The following ANTXR1 variants were observed in gnomAD, a reference collection of about 807,000 sequenced individuals.
ANTXR1 encodes anthrax toxin receptor 1.
Under a neutral mutation model 78.1 loss-of-function variants are expected in ANTXR1, and 19 were observed. The observed-to-expected ratio is 0.24, with a 90% CI of 0.17 to 0.36. The LOEUF is 0.36. Ranked by LOEUF, ANTXR1 falls within the 10% of genes least tolerant of loss-of-function variation. ANTXR1 has a pLI of 1.00. For synonymous variants in ANTXR1, 273 were observed against 260.5 expected (o/e 1.05, Z -0.46); for missense variants, 518 against 718.6 (o/e 0.72, Z 3.19).
At chr2:69,103,422 A>T (rs1220056479) in intron 10 of ANTXR1, 1 of 197,756 alleles carries the variant, frequency 5.1e-6, no homozygotes, top group Non-Finnish European at 1.0e-5. Context: ...GAATAAACCG[A>T]AAACCAAACC....
At chr2:69,177,513 C>T (rs1674155832) in intron 14 of ANTXR1, among the ~76,000 whole-genome samples, 1 of 152,226 alleles carries the variant, frequency 6.6e-6, no homozygotes, top group South Asian at 2.1e-4. Context: ...GAATGTGCTG[C>T]CATTTGTGTT....
intron 14 of ANTXR1, chr2:69,172,566 T>A (rs1674018639): frequency 7.4e-7 from 1 of 1,358,064 alleles, no homozygotes; most frequent in South Asian, 2.0e-5. Context: ...AAACACTCTC[T>A]GCCGTATATA....
intron 13 of ANTXR1, among the ~76,000 whole-genome samples, chr2:69,168,734 C>T (rs1463286885): frequency 6.6e-6 from 1 of 152,164 alleles, no homozygotes; most frequent in African/African-American, 2.4e-5. Flanking sequence ...TGGACAGGAG[C>T]GATCCTCCCC....
rs1004353608 is a variant in ANTXR1, at chr2:69,175,902, G to A, written c.1089+5613G>A. On this transcript the variant is annotated intron_variant, in intron 14 of 17. Coordinates refer to ENST00000303714, the MANE Select transcript of ANTXR1 (RefSeq NM_032208.3). ...AGAAATGTTTAGATAGGAAAACTGA[G>A]CTATGGAAAATTATACAGGGCCAGA... Among the ~76,000 whole-genome samples the A allele has an allele frequency of 1.6e-4, 25 of 152,078 alleles. 1 individual carries two copies. The highest frequency in any genetic ancestry group is 4.6e-4 in the African/African-American group (19 of 41,408).
intron 17 of ANTXR1, among the ~76,000 whole-genome samples, chr2:69,206,877 A>G (rs183256404): frequency 1.5e-4 from 23 of 152,326 alleles, no homozygotes; most frequent in African/African-American, 5.3e-4. Flanking sequence ...TCAAAATAGA[A>G]TCTCTTAGCA....
At chr2:69,164,064 G>C (rs768976928) in intron 13 of ANTXR1, among the ~76,000 whole-genome samples, 2 of 152,168 alleles carry the variant, frequency 1.3e-5, no homozygotes, top group African/African-American at 4.8e-5. Flanking sequence ...CAGACTGTGC[G>C]TGTAGTTTTC....
chr2:69,122,969 T>G (rs1271499430), intron 10 of ANTXR1, 48 bp from the exon 11 acceptor site: 1 of 1,590,142 alleles, frequency 6.3e-7, no homozygotes. Flanking sequence ...GAATTTGAAA[T>G]TATAAACTCA....
At chr2:69,119,019 C>T (rs115002938) in intron 10 of ANTXR1, among the ~76,000 whole-genome samples, 1,575 of 152,106 alleles carry the variant, frequency 0.01, 25 homozygotes, top group African/African-American at 0.036. Context: ...CTTTGCAGGC[C>T]TCCCAGTGAG....
intron 1 of ANTXR1, among the ~76,000 whole-genome samples, chr2:69,038,526 G>C: frequency 6.6e-6 from 1 of 152,236 alleles, no homozygotes; most frequent in East Asian, 1.9e-4. Context: ...AAGAACAAAG[G>C]ATAATATAAT....
chr2:69,065,558 T>C lies in ANTXR1; in HGVS notation c.297-5089T>C, dbSNP rs556807562. Among the ~76,000 whole-genome samples the C allele has an allele frequency of 9.2e-4, 140 of 152,242 alleles. 1 individual carries two copies. Among genetic ancestry groups the C allele is most frequent in the African/African-American group, 3.3e-3 (137 of 41,528 alleles). On this transcript the variant is annotated intron_variant, in intron 3 of 17. Transcript: ENST00000303714. The stretch of plus-strand genomic sequence containing the variant: ...TAAAGGAATATTATAAACAATTTTA[T>C]AGAAATATATTCAACAATTATAAGG...
chr2:69,225,095 C>A (rs555158443), intron 17 of ANTXR1, among the ~76,000 whole-genome samples: 18 of 152,284 alleles, frequency 1.2e-4, no homozygotes, highest in African/African-American at 4.3e-4. Flanking sequence ...TGCCTCCCCC[C>A]ATTCCCTCAA....
intron 1 of ANTXR1, among the ~76,000 whole-genome samples, chr2:69,038,511 C>G (rs564915137): frequency 2.0e-5 from 3 of 152,032 alleles, no homozygotes; most frequent in Admixed American, 2.0e-4. Flanking sequence ...CTGTGTTGTT[C>G]AAAAAAGAAC....
intron 17 of ANTXR1, among the ~76,000 whole-genome samples, chr2:69,196,646 G>A (rs1406921417): frequency 6.6e-6 from 1 of 152,184 alleles, no homozygotes; most frequent in African/African-American, 2.4e-5. Flanking sequence ...CTTCAGCACT[G>A]ATTTATGGAG....
rs190904745 is a variant in ANTXR1, at chr2:69,245,654, A to G, written c.*169A>G. 2.7e-4 allele frequency: 257 copies of G among 945,844 alleles called. No homozygotes were observed. In the African/African-American group the frequency reaches 3.4e-3, roughly 13 times the overall value. 58.6% of individuals were successfully genotyped at this position (945,844 alleles called of 1,614,324 possible). A position where few individuals can be genotyped will look rare whatever the true frequency, so the allele number is the denominator to read the frequency against. ...AATCATGATCAGCTGAAAGAAACAG[A>G]TATTTTAAATTGCCAGAAAACAAAT... On this transcript the variant is annotated 3_prime_UTR_variant, in exon 18 of 18. Transcript: ENST00000303714.
intron 8 of ANTXR1, 151 bp downstream of exon 8, chr2:69,077,639 A>C (rs1670777030): frequency 1.2e-6 from 1 of 843,268 alleles, no homozygotes; most frequent in Admixed American, 2.0e-5. Context: ...GCCACGTCCC[A>C]TCTCTCCCTT....
chr2:69,042,605 A>T (rs1052618839), intron 2 of ANTXR1, among the ~76,000 whole-genome samples: 2 of 152,174 alleles, frequency 1.3e-5, no homozygotes, highest in African/African-American at 4.8e-5. Context: ...TGACAGTGAA[A>T]CTCTTGATCT....
At chr2:69,135,679 G>A (rs11126219) in intron 12 of ANTXR1, among the ~76,000 whole-genome samples, 87,270 of 151,886 alleles carry the variant, frequency 0.57, 26,055 homozygotes, top group East Asian at 0.91. Context: ...CAGTTAACCT[G>A]GAAGTTATAA....
intron 9 of ANTXR1, among the ~76,000 whole-genome samples, chr2:69,091,357 C>G (rs1318886816): frequency 6.9e-6 from 1 of 144,634 alleles, no homozygotes; most frequent in African/African-American, 2.6e-5. Flanking sequence ...AGGAGAATCT[C>G]TTGAACCCGG....
chr2:69,137,138 A>C (rs1007553936), intron 12 of ANTXR1, among the ~76,000 whole-genome samples: 1 of 152,132 alleles, frequency 6.6e-6, no homozygotes, highest in South Asian at 2.1e-4. Context: ...TGAAACTCTC[A>C]ATTTGCAAAG....
Sources: gnomAD v4.1 joint callset for allele counts (sites outside exome capture counted in the v4.1 genomes callset) on GRCh38, gnomAD v4.1.1 for gene constraint, MANE v1.5 for transcripts, NCBI Gene and HGNC (gene_info 2026-07-23, HGNC 2026-07-21) for gene names.